The following SPTY2D1 variants were observed in gnomAD, a reference collection of about 807,000 sequenced individuals.
The protein encoded by SPTY2D1 is SPT2 chromatin protein domain containing 1, also known as protein SPT2 homolog.
In SPTY2D1, 21 loss-of-function variants were observed where a neutral mutation model predicts 64.0. That is an observed-to-expected ratio of 0.33 (90% CI 0.23 to 0.47). The LOEUF (loss-of-function observed/expected upper bound fraction) is 0.47, where lower values mean the gene tolerates loss of function less well. SPTY2D1 is among the 20% of genes least tolerant of loss of function. The pLI, the probability that SPTY2D1 is intolerant of heterozygous loss-of-function variation, is 1.00. For missense variants in SPTY2D1, 724 were observed against 837.2 expected (o/e 0.86, Z 1.67); for synonymous variants, 287 against 286.8 (o/e 1.00, Z -0.01).
At position 18,616,950 on chromosome 11, in the gene SPTY2D1, G is replaced by C. The variant is rs1353471933; in HGVS notation, c.100C>G (p.Pro34Ala). Residue 34 changes from proline (P) to alanine (A), a missense_variant, in exon 2 of 6, where the codon CCA (proline) becomes GCA (alanine). Physicochemically the swap from Pro to Ala is conservative, Grantham distance 27 (BLOSUM62 -1). This residue lies in a region of SPTY2D1 where 179 missense variants were observed against 232.5 expected (regional missense o/e 0.77). Transcript: ENST00000336349. ...GCTGATTGGACACCTTTAACTTTTG[G>C]GTCTTTTTTTGGAGGCCCCACTGCC... ...SLAVGPPKKD[P>A]KVKGVQSAAV... 6.2e-7 allele frequency: 1 copy of C among 1,613,882 alleles called. No individual in the cohort carries two copies. Among genetic ancestry groups the C allele is most frequent in the East Asian group, 2.2e-5 (1 of 44,880 alleles).
Position 18,609,843 on chromosome 11 carries a change from C to G in SPTY2D1, c.*18G>C. Reference sequence around the variant, plus strand: ...GCAGCAGAGCAGCTCTAGAATTTCACAAAAATAAAAGCAGCAGCTAACGCC... The same window carrying G: ...GCAGCAGAGCAGCTCTAGAATTTCAGAAAAATAAAAGCAGCAGCTAACGCC... On this transcript the variant is annotated 3_prime_UTR_variant, in exon 6 of 6. Transcript: ENST00000336349. 6.2e-7 allele frequency: 1 copy of G among 1,612,798 alleles called. No homozygotes were observed. The highest frequency in any genetic ancestry group is 1.1e-5 in the South Asian group (1 of 90,938).
At chr11:18,623,000 T>C (rs1211923191) in intron 1 of SPTY2D1, among the ~76,000 whole-genome samples, 1 of 145,972 alleles carries the variant, frequency 6.9e-6, no homozygotes, top group Non-Finnish European at 1.5e-5. Flanking sequence ...CAACATTCCA[T>C]GTATAACTTT....
At chr11:18,618,121 T>C (rs1325352558) in intron 1 of SPTY2D1, among the ~76,000 whole-genome samples, 1 of 152,244 alleles carries the variant, frequency 6.6e-6, no homozygotes, top group African/African-American at 2.4e-5. Flanking sequence ...TAGAGACTCA[T>C]AGCTACATGT....
intron 1 of SPTY2D1, among the ~76,000 whole-genome samples, chr11:18,627,733 G>A (rs990796456): frequency 2.6e-5 from 4 of 152,152 alleles, no homozygotes; most frequent in African/African-American, 9.7e-5. Flanking sequence ...AAAAAAAGTA[G>A]CCAGGCATGG....
chr11:18,624,849 C>G lies in SPTY2D1; in HGVS notation c.61-7860G>C, dbSNP rs1419864679. On this transcript the variant is annotated intron_variant, in intron 1 of 5. Coordinates refer to ENST00000336349, the MANE Select transcript of SPTY2D1 (RefSeq NM_194285.3). ...CCCCATCTCTACTAAAAATACAAAACTACCCAGGCGGGATGGCGCATTGCC... is the reference window on the plus strand; with the variant it reads ...CCCCATCTCTACTAAAAATACAAAAGTACCCAGGCGGGATGGCGCATTGCC... 4.6e-5 allele frequency among the ~76,000 whole-genome samples: 7 copies of G among 152,092 alleles called. No homozygotes were observed. The East Asian group carries it at 1.4e-3, about 29-fold the overall frequency.
In SPTY2D1 at chr11:18,609,645, C is replaced by T; in HGVS notation, c.*216G>A. ...GTGAACAGTTAACTTCATAAGAGCA[C>T]AAGTGGGCATTATATCATCTGCATT... is the stretch of plus-strand genomic sequence containing the variant. On this transcript the variant is annotated 3_prime_UTR_variant, in exon 6 of 6. Transcript: ENST00000336349. 1.8e-6 allele frequency: 1 copy of T among 567,550 alleles called. No homozygotes were observed. The highest frequency in any genetic ancestry group is 3.0e-5 in the East Asian group (1 of 33,788). 35.2% of individuals were successfully genotyped at this position (567,550 alleles called of 1,614,324 possible).
In SPTY2D1 at chr11:18,631,179, CTCTT is replaced by C. The variant is rs202026578; in HGVS notation, c.60+3015_60+3018del. The stretch of plus-strand genomic sequence containing the variant: ...AATTGATACGATAGTCCCCAACTCT[CTCTT>C]TGTTTTTAATAATTGTGAAAATCAT... On this transcript the variant is annotated intron_variant, in intron 1 of 5. Coordinates refer to ENST00000336349, the MANE Select transcript of SPTY2D1 (RefSeq NM_194285.3). Among the ~76,000 whole-genome samples the C allele has an allele frequency of 5.0e-3, 767 of 152,294 alleles. 10 individuals are homozygous for C. Among genetic ancestry groups the C allele is most frequent in the African/African-American group, 0.016 (665 of 41,534 alleles).
intron 1 of SPTY2D1, among the ~76,000 whole-genome samples, chr11:18,619,594 T>C (rs1854358588): frequency 6.6e-6 from 1 of 151,826 alleles, no homozygotes; most frequent in Middle Eastern, 3.4e-3. Flanking sequence ...GCATCTCTAC[T>C]AAAAATACAA....
intron 1 of SPTY2D1, among the ~76,000 whole-genome samples, chr11:18,625,277 G>A (rs907423527): frequency 6.6e-6 from 1 of 152,126 alleles, no homozygotes; most frequent in Non-Finnish European, 1.5e-5. Context: ...ATGGCTAAGA[G>A]GATAAAAATT....
chr11:18,633,799 C>G (rs1359225997), intron 1 of SPTY2D1, among the ~76,000 whole-genome samples: 1 of 152,116 alleles, frequency 6.6e-6, no homozygotes, highest in Non-Finnish European at 1.5e-5. Context: ...AGCCAAGGAC[C>G]CCAAACCCCC....
At chr11:18,623,645 C>T (rs977231981) in intron 1 of SPTY2D1, among the ~76,000 whole-genome samples, 5 of 152,148 alleles carry the variant, frequency 3.3e-5, no homozygotes, top group Admixed American at 1.3e-4. Flanking sequence ...GAGCAAAACC[C>T]GAGGCTTCTA....
chr11:18,609,525 C>T lies in SPTY2D1; in HGVS notation c.*336G>A. 1.3e-5 allele frequency: 3 copies of T among 230,376 alleles called. No homozygotes were observed. The highest frequency in any genetic ancestry group is 1.7e-5 in the Non-Finnish European group (2 of 117,586). 14.3% of individuals were successfully genotyped at this position (230,376 alleles called of 1,614,324 possible). ...GAAATCAAGAGACAACCTTTTTTTTCCTTTCAAAGTAGCAAAGGAACAATA... is the reference window on the plus strand; with the variant it reads ...GAAATCAAGAGACAACCTTTTTTTTTCTTTCAAAGTAGCAAAGGAACAATA... On this transcript the variant is annotated 3_prime_UTR_variant, in exon 6 of 6. Coordinates refer to ENST00000336349, the MANE Select transcript of SPTY2D1 (RefSeq NM_194285.3).
intron 1 of SPTY2D1, among the ~76,000 whole-genome samples, chr11:18,621,540 C>G (rs1355547268): frequency 6.6e-6 from 1 of 151,968 alleles, no homozygotes; most frequent in Non-Finnish European, 1.5e-5. Context: ...CAAATTCTGC[C>G]TTTTTAAACA....
In SPTY2D1 at chr11:18,612,776, T is replaced by C. The variant is rs1159948216; in HGVS notation, c.1712-288A>G. On this transcript the variant is annotated intron_variant, in intron 3 of 5. Transcript: ENST00000336349. This position sits in a 1 kb window ranked among gnomAD's most constrained non-coding sequence, Gnocchi z 4.6. The stretch of plus-strand genomic sequence containing the variant: ...AGTAAAATTTCTTTCTTTCTTTTTT[T>C]TTTTTTTGAGACAGAGTTTCACTTG... Among the ~76,000 whole-genome samples, 2 of 152,012 alleles carry C rather than the reference T, an allele frequency of 1.3e-5. No individual in the cohort carries two copies. The highest frequency in any genetic ancestry group is 1.9e-4 in the East Asian group (1 of 5,200).
intron 1 of SPTY2D1, among the ~76,000 whole-genome samples, chr11:18,627,044 CTAT>C (rs1372382376): frequency 2.0e-5 from 3 of 152,088 alleles, no homozygotes; most frequent in African/African-American, 7.2e-5. Context: ...GGAGCATGAC[CTAT>C]TAATTAATGA....
At chr11:18,628,352 A>T (rs903311711) in intron 1 of SPTY2D1, among the ~76,000 whole-genome samples, 11 of 152,160 alleles carry the variant, frequency 7.2e-5, no homozygotes, top group African/African-American at 2.7e-4. Flanking sequence ...TAGGCATATG[A>T]TCATAGATCT....
Position 18,615,016 on chromosome 11 carries a change from T to C in SPTY2D1, c.1258A>G (p.Asn420Asp), listed in dbSNP as rs991513102. Reference protein sequence around the residue: ...RSISGSKKPTNDSNPSRRTVS... With the variant: ...RSISGSKKPTDDSNPSRRTVS... ...GTCCGCCTAGAGGGATTTGAGTCATTGGTTGGCTTCTTGGACCCACTGATT... is the reference window on the plus strand; with the variant it reads ...GTCCGCCTAGAGGGATTTGAGTCATCGGTTGGCTTCTTGGACCCACTGATT... Residue 420 changes from asparagine to aspartate, a missense_variant, in exon 3 of 6, where the codon AAT (asparagine) becomes GAT (aspartate). By Grantham distance (23) the Asn-to-Asp change is conservative. This residue lies in a region of SPTY2D1 where 426 missense variants were observed against 431.8 expected (regional missense o/e 0.99). Transcript: ENST00000336349. 1.2e-6 allele frequency: 2 copies of C among 1,614,182 alleles called. No homozygotes were observed. The highest frequency in any genetic ancestry group is 1.7e-6 in the Non-Finnish European group (2 of 1,180,036).
Position 18,609,110 on chromosome 11 carries a change from A to C in SPTY2D1, c.*751T>G, listed in dbSNP as rs1416983279. On this transcript the variant is annotated 3_prime_UTR_variant, in exon 6 of 6. Coordinates refer to ENST00000336349, the MANE Select transcript of SPTY2D1 (RefSeq NM_194285.3). Reference sequence around the variant, plus strand: ...AAATGAATTTTTTTAGATAAAAATCAATCAGCACAGTGACCTTGTCTTACA... The same window carrying C: ...AAATGAATTTTTTTAGATAAAAATCCATCAGCACAGTGACCTTGTCTTACA... 1 of 152,228 alleles carries C rather than the reference A, an allele frequency of 6.6e-6. No homozygotes were observed. Among genetic ancestry groups the C allele is most frequent in the Non-Finnish European group, 1.5e-5 (1 of 68,038 alleles). The allele number at this position is 152,228 out of a possible 1,614,324, so 9.4% of individuals were successfully genotyped here. A position where few individuals can be genotyped will look rare whatever the true frequency, so the allele number is the denominator to read the frequency against.
chr11:18,613,092 C>T (rs1854233985), intron 3 of SPTY2D1, among the ~76,000 whole-genome samples: 1 of 152,168 alleles, frequency 6.6e-6, no homozygotes, highest in African/African-American at 2.4e-5. Flanking sequence ...AAAATAAATA[C>T]AATTTACAAA....
Sources: gnomAD v4.1 joint callset for allele counts (sites outside exome capture counted in the v4.1 genomes callset) on GRCh38, gnomAD v4.1.1 for gene constraint, gnomAD v4.1.1 regional missense constraint, Gnocchi (gnomAD v3.1) non-coding constraint, MANE v1.5 for transcripts, NCBI Gene and HGNC (gene_info 2026-07-23, HGNC 2026-07-21) for gene names.